Variants in LRRC7 observed in about 807,000 individuals in gnomAD.
The protein encoded by LRRC7 is leucine rich repeat containing 7.
A neutral mutation model predicts 175.7 loss-of-function variants in LRRC7; 23 were observed. The observed-to-expected ratio is 0.13, with a 90% CI of 0.09 to 0.19. The LOEUF (loss-of-function observed/expected upper bound fraction) is 0.19, where lower values mean the gene tolerates loss of function less well. Among genes scored for constraint, LRRC7 ranks in the 10% least tolerant of loss-of-function variants. The pLI, the probability that LRRC7 is intolerant of heterozygous loss-of-function variation, is 1.00. For synonymous variants in LRRC7, 685 were observed against 680.9 expected, an observed-to-expected ratio of 1.01 and a Z score of -0.09; for missense variants, 1,354 against 1,904.7, an observed-to-expected ratio of 0.71 and a Z score of 5.38.
At chr1:69,595,385 A>T in intron 1 of LRRC7, among the ~76,000 whole-genome samples, 1 of 152,154 alleles carries the variant, frequency 6.6e-6, no homozygotes. Flanking sequence ...GTGCCATTGC[A>T]CTCCAGCCTG....
rs538407717 is a variant in LRRC7, at chr1:69,978,461, A to G, written c.712-1918A>G. ...TGATTTATGTTTTCCATTCTTGCCC[A>G]GCCTGACATATAGGCAGAGCAGTTC... On this transcript the variant is annotated intron_variant, in intron 8 of 26. Transcript: ENST00000651989. Among the ~76,000 whole-genome samples, 129 of 152,356 alleles carry G rather than the reference A, an allele frequency of 8.5e-4. No individual in the cohort carries two copies. The South Asian group carries it at 0.026, about 30-fold the overall frequency.
chr1:70,018,619 CT>C (rs1434331911), intron 14 of LRRC7, 99 bp from the exon 15 acceptor site: 75 of 610,422 alleles, frequency 1.2e-4, no homozygotes, highest in East Asian at 1.0e-3. Context: ...TCTTTTTTCA[CT>C]TTTTCCCCCC....
At chr1:69,630,727 C>A (rs982106994) in intron 1 of LRRC7, among the ~76,000 whole-genome samples, 1 of 151,310 alleles carries the variant, frequency 6.6e-6, no homozygotes, top group Non-Finnish European at 1.5e-5. Flanking sequence ...TTTTATATTT[C>A]TTGGAGCCAT....
chr1:69,833,054 G>A (rs901223201), intron 5 of LRRC7, among the ~76,000 whole-genome samples: 31 of 148,866 alleles, frequency 2.1e-4, no homozygotes, highest in Admixed American at 4.0e-4. Flanking sequence ...GCAGTGAGCC[G>A]AGATTGCACC....
At chr1:70,097,709 G>A (rs1296054384) in intron 25 of LRRC7, among the ~76,000 whole-genome samples, 4 of 150,992 alleles carry the variant, frequency 2.6e-5, no homozygotes, top group African/African-American at 9.8e-5. Flanking sequence ...AGAATATGCG[G>A]TGTTTGGTTT....
chr1:69,838,167 T>C, intron 6 of LRRC7, 60 bp from the exon 7 acceptor site: 1 of 1,171,022 alleles, frequency 8.5e-7, no homozygotes, highest in Non-Finnish European at 1.3e-6. Context: ...TACTAGATCT[T>C]ATTCAATAAT....
At chr1:69,727,104 G>A (rs903304074) in intron 2 of LRRC7, among the ~76,000 whole-genome samples, 1 of 152,174 alleles carries the variant, frequency 6.6e-6, no homozygotes, top group Non-Finnish European at 1.5e-5. Context: ...GCCAAAATGA[G>A]GCAAGGCAGC....
intron 2 of LRRC7, among the ~76,000 whole-genome samples, chr1:69,742,727 G>T (rs1300583618): frequency 2.0e-5 from 3 of 152,016 alleles, no homozygotes; most frequent in Middle Eastern, 3.4e-3. Flanking sequence ...CATAGACCTT[G>T]GTTGTTTTAA....
intron 2 of LRRC7, among the ~76,000 whole-genome samples, chr1:69,732,058 T>C (rs939055900): frequency 2.9e-4 from 44 of 152,034 alleles, no homozygotes; most frequent in African/African-American, 1.0e-3. Context: ...ATTTGAGCCA[T>C]TCAGTGCCTA....
At chr1:69,927,516 C>T (rs1236194210) in intron 7 of LRRC7, among the ~76,000 whole-genome samples, 1 of 152,150 alleles carries the variant, frequency 6.6e-6, no homozygotes, top group Admixed American at 6.5e-5. Context: ...TCTTTTTATT[C>T]CTTTTTCTGT....
At chr1:69,743,450 CA>C (rs1668929355) in intron 2 of LRRC7, among the ~76,000 whole-genome samples, 1 of 151,892 alleles carries the variant, frequency 6.6e-6, no homozygotes, top group Non-Finnish European at 1.5e-5. Flanking sequence ...GTGTGTTGGG[CA>C]GGAAGAAGTT....
chr1:69,743,130 A>C (rs1225200234), intron 2 of LRRC7, among the ~76,000 whole-genome samples: 2 of 152,066 alleles, frequency 1.3e-5, no homozygotes, highest in Non-Finnish European at 2.9e-5. Flanking sequence ...TTGAATTACC[A>C]GCTGGCTAGG....
At chr1:69,624,719 A>G (rs995924857) in intron 1 of LRRC7, among the ~76,000 whole-genome samples, 2 of 152,094 alleles carry the variant, frequency 1.3e-5, no homozygotes, top group Admixed American at 1.3e-4. Flanking sequence ...ATTTTGTCCA[A>G]TATGACTATC....
intron 7 of LRRC7, among the ~76,000 whole-genome samples, chr1:69,901,022 G>A (rs183195423): frequency 1.3e-5 from 2 of 152,314 alleles, no homozygotes; most frequent in Admixed American, 1.3e-4. Context: ...GAAGTTCCTT[G>A]AATGCAATAT....
chr1:69,892,177 A>C (rs1645855774), intron 7 of LRRC7, among the ~76,000 whole-genome samples: 1 of 152,206 alleles, frequency 6.6e-6, no homozygotes, highest in South Asian at 2.1e-4. Context: ...CAACTATTGG[A>C]AAGACGGCAG....
chr1:69,633,623 T>C, intron 1 of LRRC7, among the ~76,000 whole-genome samples: 1 of 152,014 alleles, frequency 6.6e-6, no homozygotes, highest in Non-Finnish European at 1.5e-5. Flanking sequence ...GAGATAGTAT[T>C]TCACCATGTT....
intron 11 of LRRC7, among the ~76,000 whole-genome samples, chr1:69,997,800 T>G (rs936250877): frequency 3.4e-4 from 52 of 152,176 alleles, no homozygotes; most frequent in African/African-American, 1.2e-3. Context: ...GGATTCGTTT[T>G]GCCAGTATTT....
intron 7 of LRRC7, among the ~76,000 whole-genome samples, chr1:69,901,222 A>G (rs947753360): frequency 6.6e-6 from 1 of 152,204 alleles, no homozygotes; most frequent in Non-Finnish European, 1.5e-5. Context: ...AAGAAGGGCA[A>G]AACTAAAACA....
rs557851996 is a variant in LRRC7 at position 69,906,160 on chromosome 1, G to C, written c.648-25347G>C. ...TTCATTGTAGATTCTGGATATTAGCGCTTTGTCAGATGAGTAGGTTGCAAA... is the reference window on the plus strand; with the variant it reads ...TTCATTGTAGATTCTGGATATTAGCCCTTTGTCAGATGAGTAGGTTGCAAA... On this transcript the variant is annotated intron_variant, in intron 7 of 26. Coordinates refer to ENST00000651989, the MANE Select transcript of LRRC7 (RefSeq NM_001370785.2). Among the ~76,000 whole-genome samples the C allele has an allele frequency of 3.2e-3, 480 of 152,012 alleles. 2 individuals carry two copies. Among genetic ancestry groups the C allele is most frequent in the African/African-American group, 0.011 (439 of 41,472 alleles).
Sources: gnomAD v4.1 joint callset for allele counts (sites outside exome capture counted in the v4.1 genomes callset) on GRCh38, gnomAD v4.1.1 for gene constraint, MANE v1.5 for transcripts, NCBI Gene and HGNC (gene_info 2026-07-23, HGNC 2026-07-21) for gene names.